The following CDH18 variants were observed in gnomAD, a reference collection of about 807,000 sequenced individuals.
CDH18 encodes cadherin 18, also known as cadherin-18.
In CDH18, 31 loss-of-function variants were observed where a neutral mutation model predicts 67.9. The ratio of observed to expected loss-of-function variants is 0.46; its 90% CI spans 0.34 to 0.62. The LOEUF is 0.62. Among genes scored for constraint, CDH18 ranks in the 20% least tolerant of loss-of-function variants. The pLI, the probability that CDH18 is intolerant of heterozygous loss-of-function variation, is 0.01. For synonymous variants in CDH18, 362 were observed against 347.2 expected (o/e 1.04, Z -0.48); for missense variants, 890 against 975.5 (o/e 0.91, Z 1.17).
intron 8 of CDH18, among the ~76,000 whole-genome samples, chr5:19,567,793 TC>T (rs1314882705): frequency 2.6e-5 from 4 of 152,120 alleles, no homozygotes; most frequent in African/African-American, 9.7e-5. Context: ...CTGCTTCCCT[TC>T]TTAGCATTTG....
intron 1 of CDH18, among the ~76,000 whole-genome samples, chr5:20,545,509 T>C (rs1757290800): frequency 6.6e-6 from 1 of 152,220 alleles, no homozygotes; most frequent in Non-Finnish European, 1.5e-5. Context: ...CTCATGTCTC[T>C]GCACACCTAC....
intron 2 of CDH18, among the ~76,000 whole-genome samples, chr5:19,889,358 T>C (rs1284724925): frequency 3.3e-5 from 5 of 152,092 alleles, no homozygotes; most frequent in South Asian, 4.1e-4. Flanking sequence ...CAACATCCTA[T>C]AAAATTTTTG....
At chr5:19,922,281 T>G (rs755691065) in intron 2 of CDH18, among the ~76,000 whole-genome samples, 1 of 152,224 alleles carries the variant, frequency 6.6e-6, no homozygotes, top group Non-Finnish European at 1.5e-5. Context: ...CTGCTTTAGC[T>G]AGGTGAACTG....
intron 4 of CDH18, among the ~76,000 whole-genome samples, chr5:19,743,620 T>C (rs1459094776): frequency 1.3e-5 from 2 of 152,144 alleles, no homozygotes; most frequent in African/African-American, 4.8e-5. Flanking sequence ...ATCAACTTTT[T>C]GTTTCTAAAA....
At chr5:20,317,781 T>C (rs948412895) in intron 1 of CDH18, among the ~76,000 whole-genome samples, 5 of 152,296 alleles carry the variant, frequency 3.3e-5, no homozygotes, top group Middle Eastern at 3.4e-3. Context: ...TTGCAGTTGA[T>C]AAGCGTTATA....
intron 1 of CDH18, among the ~76,000 whole-genome samples, chr5:20,323,086 A>T (rs971388031): frequency 7.9e-5 from 12 of 152,178 alleles, no homozygotes. Context: ...ACATTCTTAA[A>T]GATAATTCAC....
intron 6 of CDH18, among the ~76,000 whole-genome samples, chr5:19,605,774 T>A: frequency 6.6e-6 from 1 of 152,080 alleles, no homozygotes; most frequent in Non-Finnish European, 1.5e-5. Context: ...TAAAAATATG[T>A]AGTGCTGGTT....
chr5:19,958,400 A>AAAAAAAAAAG (rs1796474234), intron 2 of CDH18, among the ~76,000 whole-genome samples: 1 of 148,124 alleles, frequency 6.8e-6, no homozygotes, highest in Non-Finnish European at 1.5e-5. Flanking sequence ...AAAAAAAAAA[A>AAAAAAAAAAG]GGAGAAGCTA....
chr5:20,253,118 C>T (rs1743985201), intron 2 of CDH18, among the ~76,000 whole-genome samples: 1 of 152,098 alleles, frequency 6.6e-6, no homozygotes, highest in Non-Finnish European at 1.5e-5. Context: ...GTATCATCTA[C>T]TAGGTCGTAT....
chr5:19,481,227 T>C (rs1561155522), intron 12 of CDH18, among the ~76,000 whole-genome samples: 1 of 152,170 alleles, frequency 6.6e-6, no homozygotes, highest in Non-Finnish European at 1.5e-5. Flanking sequence ...TCTCTACATA[T>C]ATTCTCTTGC....
intron 2 of CDH18, among the ~76,000 whole-genome samples, chr5:20,153,513 A>T (rs999093222): frequency 6.6e-6 from 1 of 152,212 alleles, no homozygotes; most frequent in Non-Finnish European, 1.5e-5. Flanking sequence ...TAGTGATGAC[A>T]TAACATAAAT....
intron 5 of CDH18, among the ~76,000 whole-genome samples, chr5:19,689,754 A>G (rs1761596011): frequency 6.6e-6 from 1 of 151,904 alleles, no homozygotes; most frequent in South Asian, 2.1e-4. Flanking sequence ...ATTTACATGA[A>G]TAAGTCCTCA....
chr5:20,134,245 A>G (rs1454926380), intron 2 of CDH18, among the ~76,000 whole-genome samples: 2 of 152,106 alleles, frequency 1.3e-5, no homozygotes, highest in African/African-American at 4.8e-5. Flanking sequence ...TAAAGTGCTG[A>G]TATTACAGAT....
chr5:20,082,940 G>C (rs1052603202), intron 2 of CDH18, among the ~76,000 whole-genome samples: 1 of 152,106 alleles, frequency 6.6e-6, no homozygotes, highest in African/African-American at 2.4e-5. Context: ...GTACCCTTTG[G>C]AACTGTGAGG....
chr5:19,852,074 C>T (rs1783771982), intron 2 of CDH18, among the ~76,000 whole-genome samples: 1 of 151,862 alleles, frequency 6.6e-6, no homozygotes, highest in South Asian at 2.1e-4. Flanking sequence ...CATAAATTAC[C>T]AAAATAGAAG....
intron 3 of CDH18, among the ~76,000 whole-genome samples, chr5:19,830,150 C>A (rs975006778): frequency 6.6e-6 from 1 of 152,030 alleles, no homozygotes; most frequent in Admixed American, 6.6e-5. Context: ...TATGATGAAG[C>A]TGCCAAAAGC....
chr5:19,831,135 G>A lies in CDH18; in HGVS notation c.228+7624C>T, dbSNP rs1780981653. Among the ~76,000 whole-genome samples the A allele has an allele frequency of 2.0e-5, 3 of 151,986 alleles. No homozygotes were observed. The South Asian group carries it at 6.2e-4, about 32-fold the overall frequency. Reference sequence around the variant, plus strand: ...AATAATCTGTACAATAAACCCATGTGACACACAATTTACCTATATAACAAA... The same window carrying A: ...AATAATCTGTACAATAAACCCATGTAACACACAATTTACCTATATAACAAA... On this transcript the variant is annotated intron_variant, in intron 3 of 12. Coordinates refer to ENST00000382275, the MANE Select transcript of CDH18 (RefSeq NM_004934.5).
chr5:20,405,711 A>C (rs1011527120), intron 1 of CDH18, among the ~76,000 whole-genome samples: 2 of 152,218 alleles, frequency 1.3e-5, no homozygotes, highest in Non-Finnish European at 2.9e-5. Flanking sequence ...TAATATCCAG[A>C]ATCTACAAAG....
intron 2 of CDH18, among the ~76,000 whole-genome samples, chr5:20,242,025 T>C (rs996036059): frequency 4.6e-5 from 7 of 151,400 alleles, no homozygotes; most frequent in Admixed American, 6.6e-5. Context: ...CAAGTACACA[T>C]AGGATAAATA....
Sources: allele counts gnomAD v4.1 joint callset (sites outside exome capture counted in the v4.1 genomes callset), GRCh38; gene constraint gnomAD v4.1.1; transcripts MANE v1.5; gene names NCBI Gene and HGNC (gene_info 2026-07-23, HGNC 2026-07-21).